Variants in UBE2K observed in about 807,000 individuals in gnomAD.
The protein encoded by UBE2K is ubiquitin conjugating enzyme E2 K.
UBE2K carries 6 observed loss-of-function variants against 30.0 expected under a neutral mutation model. The observed-to-expected ratio is 0.20, with a 90% CI of 0.11 to 0.39. UBE2K has a LOEUF of 0.39. Among genes scored for constraint, UBE2K ranks in the 10% least tolerant of loss-of-function variants. The pLI, the probability that UBE2K is intolerant of heterozygous loss-of-function variation, is 1.00. For synonymous variants in UBE2K, 86 were observed against 83.7 expected (o/e 1.03, Z -0.15); for missense variants, 61 against 241.6 (o/e 0.25, Z 4.96).
Position 39,711,568 on chromosome 4 carries a change from A to ATTTAATTCCAACT in UBE2K, c.63+13183_63+13195dup, listed in dbSNP as rs1718684084. ...TAAAGTTTATTTCCCTATTGATGGC[A>ATTTAATTCCAACT]TTTAATTCCAACTTTTAGATAAAAG... On this transcript the variant is annotated intron_variant, in intron 1 of 6. Transcript: ENST00000261427. Among the ~76,000 whole-genome samples, 4 of 152,056 alleles carry ATTTAATTCCAACT rather than the reference A, an allele frequency of 2.6e-5. No homozygotes were observed. The South Asian group carries it at 8.3e-4, about 32-fold the overall frequency.
intron 1 of UBE2K, among the ~76,000 whole-genome samples, chr4:39,715,021 G>T (rs1332465337): frequency 1.4e-5 from 2 of 146,760 alleles, no homozygotes; most frequent in East Asian, 4.1e-4. Context: ...ACCACTCTTG[G>T]CTAATTTTTT....
chr4:39,751,021 C>T (rs1220047687), intron 3 of UBE2K, among the ~76,000 whole-genome samples: 1 of 151,858 alleles, frequency 6.6e-6, no homozygotes, highest in African/African-American at 2.4e-5. Context: ...ATTGGGATTA[C>T]AGGTATGAGC....
chr4:39,771,277 C>T, intron 4 of UBE2K: 1 of 1,611,590 alleles, frequency 6.2e-7, no homozygotes, highest in Non-Finnish European at 8.5e-7. Flanking sequence ...GAACGGTGAG[C>T]AGGCGGCTAA....
At chr4:39,732,432 G>A (rs1720123433) in intron 1 of UBE2K, among the ~76,000 whole-genome samples, 1 of 152,144 alleles carries the variant, frequency 6.6e-6, no homozygotes, top group Admixed American at 6.6e-5. Flanking sequence ...CTAGAACCTA[G>A]TCATTATTTG....
At chr4:39,774,748 C>T (rs1453032860) in intron 4 of UBE2K, 86 bp from the exon 5 acceptor site, 3 of 708,460 alleles carry the variant, frequency 4.2e-6, no homozygotes, top group African/African-American at 1.8e-5. Context: ...TTTAGCTCTA[C>T]AATTTTTTAA....
At chr4:39,728,954 A>G (rs960580901) in intron 1 of UBE2K, among the ~76,000 whole-genome samples, 1 of 145,504 alleles carries the variant, frequency 6.9e-6, no homozygotes, top group African/African-American at 2.5e-5. Context: ...GGCGTGAGCC[A>G]CCGCGCACAG....
intron 4 of UBE2K, among the ~76,000 whole-genome samples, chr4:39,758,406 A>G (rs1236197617): frequency 6.6e-6 from 1 of 152,238 alleles, no homozygotes; most frequent in African/African-American, 2.4e-5. Flanking sequence ...CGCCACGTGC[A>G]GTGGCTCATG....
intron 1 of UBE2K, among the ~76,000 whole-genome samples, chr4:39,735,109 A>G (rs181545317): frequency 6.6e-6 from 1 of 152,374 alleles, no homozygotes; most frequent in African/African-American, 2.4e-5. Context: ...GGAGAAATGC[A>G]AGTGTAAGTT....
intron 2 of UBE2K, among the ~76,000 whole-genome samples, chr4:39,744,720 C>T (rs1217423069): frequency 6.6e-6 from 1 of 150,556 alleles, no homozygotes; most frequent in Non-Finnish European, 1.5e-5. Flanking sequence ...TCCTGGCTAA[C>T]ATGGTGAAAC....
At chr4:39,739,116 C>T (rs541707257) in intron 2 of UBE2K, among the ~76,000 whole-genome samples, 2 of 152,094 alleles carry the variant, frequency 1.3e-5, no homozygotes, top group African/African-American at 2.4e-5. Flanking sequence ...CAAGCTTCGC[C>T]TCCTGGATTC....
intron 1 of UBE2K, among the ~76,000 whole-genome samples, chr4:39,721,473 T>C (rs1425584249): frequency 1.3e-5 from 2 of 151,910 alleles, no homozygotes; most frequent in Admixed American, 1.3e-4. Flanking sequence ...CCTACCTCAG[T>C]CTCCTGAGTA....
intron 4 of UBE2K, among the ~76,000 whole-genome samples, chr4:39,758,030 C>G (rs1383441801): frequency 6.6e-6 from 1 of 152,204 alleles, no homozygotes; most frequent in Admixed American, 6.6e-5. Context: ...ATCCTGCTGC[C>G]TGCTTATCAT....
intron 1 of UBE2K, among the ~76,000 whole-genome samples, chr4:39,727,569 T>C (rs1719822716): frequency 6.6e-6 from 1 of 151,392 alleles, no homozygotes; most frequent in Non-Finnish European, 1.5e-5. Context: ...CCATGTTGTC[T>C]GGACTGATCT....
At chr4:39,754,967 C>T (rs1245994128) in intron 3 of UBE2K, among the ~76,000 whole-genome samples, 1 of 152,120 alleles carries the variant, frequency 6.6e-6, no homozygotes. Context: ...TGGTGTTCCC[C>T]TAGAGTTTTA....
chr4:39,755,970 C>T (rs1190204678), intron 4 of UBE2K, among the ~76,000 whole-genome samples: 1 of 152,082 alleles, frequency 6.6e-6, no homozygotes, highest in African/African-American at 2.4e-5. Flanking sequence ...CTTTGAAAAG[C>T]CTTGGATTTC....
intron 3 of UBE2K, among the ~76,000 whole-genome samples, chr4:39,750,567 T>A (rs1333558881): frequency 6.6e-6 from 1 of 152,320 alleles, no homozygotes; most frequent in Non-Finnish European, 1.5e-5. Flanking sequence ...ATTATTATTA[T>A]ATTCTTAATA....
At chr4:39,721,241 A>G (rs1465326738) in intron 1 of UBE2K, among the ~76,000 whole-genome samples, 1 of 152,176 alleles carries the variant, frequency 6.6e-6, no homozygotes, top group African/African-American at 2.4e-5. Flanking sequence ...TGATTAGACA[A>G]CTAGCCATGT....
intron 5 of UBE2K, 131 bp from the exon 6 acceptor site, chr4:39,777,551 T>C: frequency 1.1e-6 from 1 of 881,256 alleles, no homozygotes; most frequent in Non-Finnish European, 1.6e-6. Context: ...TTGTCTATAA[T>C]GCAAAGTGAA....
At chr4:39,738,074 A>G (rs893315977) in intron 2 of UBE2K, among the ~76,000 whole-genome samples, 1 of 152,194 alleles carries the variant, frequency 6.6e-6, no homozygotes, top group Non-Finnish European at 1.5e-5. Context: ...ACTTTAGACC[A>G]TGGAATCGGG....
Sources: allele counts gnomAD v4.1 joint callset (sites outside exome capture counted in the v4.1 genomes callset), GRCh38; gene constraint gnomAD v4.1.1; transcripts MANE v1.5; gene names NCBI Gene and HGNC (gene_info 2026-07-23, HGNC 2026-07-21).